Variants in CSMD1 observed in about 807,000 individuals in gnomAD.
CSMD1 encodes the protein CUB and Sushi multiple domains 1, also known as CUB and sushi domain-containing protein 1.
In CSMD1, 213 loss-of-function variants were observed where a neutral mutation model predicts 417.5. That is an observed-to-expected ratio of 0.51 (90% CI 0.46 to 0.57). The LOEUF (loss-of-function observed/expected upper bound fraction) is 0.57. Among genes scored for constraint, CSMD1 ranks in the 20% least tolerant of loss-of-function variants. The probability of loss-of-function intolerance (pLI) is 0.00; values close to 1 mark genes in which losing one functional copy is unlikely to be tolerated. For missense variants in CSMD1, 6,923 were observed against 4,529.7 expected (o/e 1.53, Z -15.17); for synonymous variants, 2,862 against 1,736.8 (o/e 1.65, Z -16.11).
chr8:4,556,252 G>A (rs1244910275), intron 2 of CSMD1, among the ~76,000 whole-genome samples: 1 of 152,098 alleles, frequency 6.6e-6, no homozygotes, highest in African/African-American at 2.4e-5. Context: ...GAAAATGAAA[G>A]TTATTTTATG....
At chr8:4,609,149 C>G (rs1233017105) in intron 2 of CSMD1, among the ~76,000 whole-genome samples, 1 of 152,206 alleles carries the variant, frequency 6.6e-6, no homozygotes, top group African/African-American at 2.4e-5. Context: ...CATGTAATCC[C>G]AGCACTTTGG....
intron 1 of CSMD1, among the ~76,000 whole-genome samples, chr8:4,849,198 G>C (rs1165359888): frequency 1.3e-5 from 2 of 151,990 alleles, no homozygotes; most frequent in Admixed American, 6.5e-5. Flanking sequence ...AAAATTTCAA[G>C]CTAGAAAAAA....
At chr8:4,926,424 C>T (rs1195620998) in intron 1 of CSMD1, among the ~76,000 whole-genome samples, 1 of 152,280 alleles carries the variant, frequency 6.6e-6, no homozygotes, top group African/African-American at 2.4e-5. Flanking sequence ...GTGTAATTCT[C>T]TCACACTTAA....
intron 5 of CSMD1, among the ~76,000 whole-genome samples, chr8:3,973,308 A>G (rs759896860): frequency 6.6e-6 from 1 of 152,164 alleles, no homozygotes; most frequent in African/African-American, 2.4e-5. Flanking sequence ...AGGGATTTGA[A>G]TATCAGTTGA....
At chr8:4,672,537 A>C (rs1317902311) in intron 1 of CSMD1, among the ~76,000 whole-genome samples, 1 of 152,242 alleles carries the variant, frequency 6.6e-6, no homozygotes, top group Non-Finnish European at 1.5e-5. Context: ...ATATGCACCT[A>C]TAATGTAAAC....
chr8:4,513,128 C>G (rs567446712), intron 2 of CSMD1, among the ~76,000 whole-genome samples: 1 of 152,262 alleles, frequency 6.6e-6, no homozygotes, highest in African/African-American at 2.4e-5. Flanking sequence ...CAAGAGTGCG[C>G]TCCAATGTAA....
chr8:4,560,721 T>C (rs936900813), intron 2 of CSMD1, among the ~76,000 whole-genome samples: 1 of 152,172 alleles, frequency 6.6e-6, no homozygotes, highest in Admixed American at 6.5e-5. Flanking sequence ...ACACTGTGGT[T>C]TGAGACTCTT....
intron 41 of CSMD1, among the ~76,000 whole-genome samples, chr8:3,141,886 C>T (rs574438717): frequency 1.1e-3 from 168 of 151,916 alleles, no homozygotes; most frequent in Non-Finnish European, 2.0e-3. Context: ...CAAGCTCCGC[C>T]TCCCGGGTTC....
In CSMD1 at chr8:2,936,807, C is replaced by T. The variant is rs1167847119; in HGVS notation, c.*1778G>A. On this transcript the variant is annotated 3_prime_UTR_variant, in exon 70 of 70. Coordinates refer to ENST00000635120, the MANE Select transcript of CSMD1 (RefSeq NM_033225.6). Reference sequence around the variant, plus strand: ...ATGCCCCATTTTCCTGACTGCTTTTCCTTTTCCACATTTGAAGTCCTACAT... The same window carrying T: ...ATGCCCCATTTTCCTGACTGCTTTTTCTTTTCCACATTTGAAGTCCTACAT... 2.0e-5 allele frequency: 3 copies of T among 152,234 alleles called. No homozygotes were observed. The highest frequency in any genetic ancestry group is 7.2e-5 in the African/African-American group (3 of 41,454). The allele number at this position is 152,234 out of a possible 1,614,324, so 9.4% of individuals were successfully genotyped here.
intron 12 of CSMD1, among the ~76,000 whole-genome samples, chr8:3,425,249 C>A (rs191933607): frequency 6.6e-6 from 1 of 152,210 alleles, no homozygotes; most frequent in East Asian, 1.9e-4. Flanking sequence ...CACTGGGGGA[C>A]TTAGAGCTTA....
At chr8:3,114,463 A>G (rs1486548816) in intron 42 of CSMD1, among the ~76,000 whole-genome samples, 1 of 150,012 alleles carries the variant, frequency 6.7e-6, no homozygotes, top group Non-Finnish European at 1.5e-5. Context: ...ATATATTAAT[A>G]TAAAAATATC....
chr8:4,075,862 T>C (rs1799794596), intron 3 of CSMD1, among the ~76,000 whole-genome samples: 3 of 152,176 alleles, frequency 2.0e-5, no homozygotes, highest in African/African-American at 7.2e-5. Flanking sequence ...AGGGAGCCAG[T>C]TCATATCTGT....
At chr8:3,519,662 A>C (rs138117972) in intron 10 of CSMD1, among the ~76,000 whole-genome samples, 1 of 152,354 alleles carries the variant, frequency 6.6e-6, no homozygotes, top group Non-Finnish European at 1.5e-5. Context: ...CTTATCAAGC[A>C]GCATGCAGGC....
At chr8:3,051,379 T>G (rs1811803476) in intron 50 of CSMD1, among the ~76,000 whole-genome samples, 1 of 152,114 alleles carries the variant, frequency 6.6e-6, no homozygotes, top group African/African-American at 2.4e-5. Flanking sequence ...CTCCTGTAAG[T>G]GGGAGCTAAA....
At chr8:4,469,810 G>C (rs540368644) in intron 2 of CSMD1, among the ~76,000 whole-genome samples, 2 of 152,148 alleles carry the variant, frequency 1.3e-5, no homozygotes, top group East Asian at 3.9e-4. Context: ...TTCTCACGGA[G>C]GGAACCCAAA....
chr8:3,252,512 T>C (rs1191893779), intron 26 of CSMD1, among the ~76,000 whole-genome samples: 1 of 152,194 alleles, frequency 6.6e-6, no homozygotes, highest in African/African-American at 2.4e-5. Context: ...GGGATATTGG[T>C]CTAAAATTCT....
intron 3 of CSMD1, among the ~76,000 whole-genome samples, chr8:4,153,341 T>G (rs769504737): frequency 6.6e-6 from 1 of 152,230 alleles, no homozygotes. Context: ...TTTTGTGAAC[T>G]TGACTGTGTC....
intron 57 of CSMD1, among the ~76,000 whole-genome samples, chr8:2,967,326 C>T (rs764497256): frequency 1.3e-5 from 2 of 152,190 alleles, no homozygotes; most frequent in South Asian, 4.1e-4. Context: ...CTAATAGCAG[C>T]TGTGTTAATT....
chr8:3,525,103 C>G (rs1380881302), intron 10 of CSMD1, among the ~76,000 whole-genome samples: 8 of 152,070 alleles, frequency 5.3e-5, no homozygotes, highest in African/African-American at 1.9e-4. Context: ...TTTTCAAGCT[C>G]AAAGTTACAC....
Sources: allele counts gnomAD v4.1 joint callset (sites outside exome capture counted in the v4.1 genomes callset), GRCh38; gene constraint gnomAD v4.1.1; transcripts MANE v1.5; gene names NCBI Gene and HGNC (gene_info 2026-07-23, HGNC 2026-07-21).